MEI4: variants seen among roughly 807,000 people sequenced by gnomAD.
MEI4 encodes meiotic double-stranded break formation protein 4, also known as meiosis-specific protein MEI4.
In MEI4, 27 loss-of-function variants were observed where a neutral mutation model predicts 31.4. The observed-to-expected ratio is 0.86, with a 90% CI of 0.63 to 1.19. MEI4 has a LOEUF of 1.19. MEI4 is among the 50% of genes most tolerant of loss of function. The probability of loss-of-function intolerance (pLI) is 0.00; values close to 1 mark genes in which losing one functional copy is unlikely to be tolerated. For missense variants in MEI4, 329 were observed against 398.9 expected (o/e 0.82, Z 1.49); for synonymous variants, 122 against 145.4 (o/e 0.84, Z 1.16).
intron 3 of MEI4, among the ~76,000 whole-genome samples, chr6:77,764,222 A>G (rs1768111826): frequency 6.6e-6 from 1 of 152,082 alleles, no homozygotes; most frequent in African/African-American, 2.4e-5. Flanking sequence ...TTAGGAATTT[A>G]TCCATTTCTT....
chr6:77,783,236 A>T (rs558646006), intron 3 of MEI4, among the ~76,000 whole-genome samples: 1 of 152,320 alleles, frequency 6.6e-6, no homozygotes, highest in East Asian at 1.9e-4. Flanking sequence ...GAATCCTGGG[A>T]TGCAGGTGAG....
chr6:77,909,680 A>G (rs1394610457), intron 4 of MEI4, among the ~76,000 whole-genome samples: 1 of 152,164 alleles, frequency 6.6e-6, no homozygotes, highest in Non-Finnish European at 1.5e-5. Flanking sequence ...TCAATAGAAA[A>G]AGAGGGAATC....
At chr6:77,906,213 GT>G (rs1416734557) in intron 4 of MEI4, among the ~76,000 whole-genome samples, 3 of 152,056 alleles carry the variant, frequency 2.0e-5, no homozygotes, top group African/African-American at 7.2e-5. Context: ...AATTATCGTG[GT>G]CTTTGTGGTG....
intron 4 of MEI4, among the ~76,000 whole-genome samples, chr6:77,868,215 TAAA>T (rs371736808): frequency 8.0e-6 from 1 of 124,554 alleles, no homozygotes; most frequent in Non-Finnish European, 1.6e-5. Context: ...AGCATAATAA[TAAA>T]AAAAAATTAA....
intron 2 of MEI4, among the ~76,000 whole-genome samples, chr6:77,747,326 A>G (rs1359933934): frequency 2.0e-5 from 3 of 152,188 alleles, no homozygotes; most frequent in Non-Finnish European, 2.9e-5. Context: ...CTAAAAAAAA[A>G]GAAAAAGAGA....
Position 77,833,666 on chromosome 6 carries a change from C to T in MEI4, c.900+4604C>T, listed in dbSNP as rs185309102. 2.6e-5 allele frequency among the ~76,000 whole-genome samples: 4 copies of T among 152,186 alleles called. No individual in the cohort carries two copies. In the East Asian group the frequency reaches 7.7e-4, roughly 29 times the overall value. ...TAAATTCTGGGACACATGTGCTGAACATGAAGGTTTGTTACATAGGTATAC... is the reference window on the plus strand; with the variant it reads ...TAAATTCTGGGACACATGTGCTGAATATGAAGGTTTGTTACATAGGTATAC... On this transcript the variant is annotated intron_variant, in intron 4 of 4. Transcript: ENST00000684080.
chr6:77,821,468 T>C (rs986330506), intron 3 of MEI4, among the ~76,000 whole-genome samples: 2 of 152,146 alleles, frequency 1.3e-5, no homozygotes, highest in Non-Finnish European at 2.9e-5. Flanking sequence ...AATGTAGATA[T>C]GGCTGGATTT....
At chr6:77,768,156 T>C (rs1317694292) in intron 3 of MEI4, among the ~76,000 whole-genome samples, 1 of 152,200 alleles carries the variant, frequency 6.6e-6, no homozygotes, top group African/African-American at 2.4e-5. Context: ...GTAGAAGACC[T>C]AGGTCTCATG....
chr6:77,878,193 C>A (rs1480082986), intron 4 of MEI4, among the ~76,000 whole-genome samples: 1 of 151,028 alleles, frequency 6.6e-6, no homozygotes, highest in Non-Finnish European at 1.5e-5. Context: ...CTATTTGGAT[C>A]AGATAAAATA....
intron 1 of MEI4, among the ~76,000 whole-genome samples, chr6:77,672,675 G>A (rs991527266): frequency 3.3e-5 from 5 of 152,172 alleles, no homozygotes; most frequent in Non-Finnish European, 7.3e-5. Context: ...GAGTTGCTGA[G>A]ATTACAGGTG....
At chr6:77,866,960 C>G (rs1222888915) in intron 4 of MEI4, among the ~76,000 whole-genome samples, 1 of 152,150 alleles carries the variant, frequency 6.6e-6, no homozygotes, top group Non-Finnish European at 1.5e-5. Flanking sequence ...CTGACAAAAA[C>G]AAGCAATGGG....
upstream of MEI4, among the ~76,000 whole-genome samples, chr6:77,651,339 T>C (rs766089103): frequency 6.6e-6 from 1 of 152,224 alleles, no homozygotes; most frequent in Non-Finnish European, 1.5e-5. Context: ...TCTGGAGGAA[T>C]ATCTTGGACT....
At chr6:77,748,513 G>A (rs999898117) in intron 2 of MEI4, among the ~76,000 whole-genome samples, 4 of 152,200 alleles carry the variant, frequency 2.6e-5, no homozygotes, top group East Asian at 1.9e-4. Context: ...CAGAGCAGGA[G>A]TGTGGTCCTG....
At chr6:77,908,456 G>A (rs1766351104) in intron 4 of MEI4, among the ~76,000 whole-genome samples, 1 of 152,094 alleles carries the variant, frequency 6.6e-6, no homozygotes, top group African/African-American at 2.4e-5. Flanking sequence ...TCAGTTGGTT[G>A]TAGATATGCG....
At chr6:77,668,732 GA>G (rs1289170870) in intron 1 of MEI4, among the ~76,000 whole-genome samples, 5 of 152,028 alleles carry the variant, frequency 3.3e-5, no homozygotes, top group African/African-American at 1.2e-4. Context: ...TAAGATTATG[GA>G]TATAAATCCA....
intron 3 of MEI4, among the ~76,000 whole-genome samples, chr6:77,798,213 G>A (rs965058304): frequency 6.6e-6 from 1 of 151,102 alleles, no homozygotes; most frequent in Middle Eastern, 3.2e-3. Context: ...TACATTTGAT[G>A]CAAAAAAGGT....
At chr6:77,709,634 A>C (rs1292303778) in intron 2 of MEI4, among the ~76,000 whole-genome samples, 2 of 152,172 alleles carry the variant, frequency 1.3e-5, no homozygotes, top group Non-Finnish European at 2.9e-5. Context: ...GGATATGCAG[A>C]ATTTAGGCAC....
chr6:77,842,149 T>C (rs1280123609), intron 4 of MEI4, among the ~76,000 whole-genome samples: 2 of 152,098 alleles, frequency 1.3e-5, no homozygotes, highest in African/African-American at 4.8e-5. Context: ...TCAAGGGGGA[T>C]TGAGATACCA....
intron 4 of MEI4, among the ~76,000 whole-genome samples, chr6:77,872,765 G>A (rs1271535326): frequency 4.1e-5 from 5 of 123,288 alleles, no homozygotes; most frequent in Non-Finnish European, 6.4e-5. Context: ...AGAGTGTGAT[G>A]TTCCCCTTCC....
Sources: gnomAD v4.1 joint callset for allele counts (sites outside exome capture counted in the v4.1 genomes callset) on GRCh38, gnomAD v4.1.1 for gene constraint, MANE v1.5 for transcripts, NCBI Gene and HGNC (gene_info 2026-07-23, HGNC 2026-07-21) for gene names.